Variants in IGF1R observed in about 807,000 individuals in gnomAD.
IGF1R encodes the protein insulin-like growth factor 1 receptor.
Under a neutral mutation model 144.6 loss-of-function variants are expected in IGF1R, and 44 were observed. The observed-to-expected ratio is 0.30, with a 90% CI of 0.24 to 0.39. The LOEUF is 0.39. Ranked by LOEUF, IGF1R falls within the 10% of genes least tolerant of loss-of-function variation. The pLI is 1.00. For missense variants in IGF1R, 1,355 were observed against 1,833.7 expected (o/e 0.74, Z 4.77); for synonymous variants, 795 against 722.8 (o/e 1.10, Z -1.60).
chr15:98,682,894 G>A (rs1211199826), intron 1 of IGF1R, among the ~76,000 whole-genome samples: 1 of 151,948 alleles, frequency 6.6e-6, no homozygotes, highest in East Asian at 1.9e-4. Flanking sequence ...GGTCTCAAAT[G>A]TGATCAGTGG....
rs1284292146 is a variant in IGF1R at position 98,960,537 on chromosome 15, A to G, written c.*3095A>G. 2 of 233,288 alleles carry G rather than the reference A, an allele frequency of 8.6e-6. No homozygotes were observed. The highest frequency in any genetic ancestry group is 1.7e-5 in the Non-Finnish European group (2 of 118,156). 14.5% of individuals were successfully genotyped at this position (233,288 alleles called of 1,614,324 possible). A position where few individuals can be genotyped will look rare whatever the true frequency, so the allele number is the denominator to read the frequency against. Reference sequence around the variant, plus strand: ...GAGAGGAAGGTGTCCAGGCAGCACCATCTCTGTGCGAATCCCCAGGGTAAA... The same window carrying G: ...GAGAGGAAGGTGTCCAGGCAGCACCGTCTCTGTGCGAATCCCCAGGGTAAA... On this transcript the variant is annotated 3_prime_UTR_variant, in exon 21 of 21. Coordinates refer to ENST00000650285, the MANE Select transcript of IGF1R (RefSeq NM_000875.5).
At chr15:98,819,697 G>A (rs914062829) in intron 2 of IGF1R, among the ~76,000 whole-genome samples, 2 of 152,104 alleles carry the variant, frequency 1.3e-5, no homozygotes, top group African/African-American at 4.8e-5. Context: ...GATACTTGCT[G>A]TATGAAGAAT....
At chr15:98,830,752 C>T (rs112073107) in intron 2 of IGF1R, among the ~76,000 whole-genome samples, 3,196 of 152,048 alleles carry the variant, frequency 0.021, 114 homozygotes, top group African/African-American at 0.073. Context: ...TACAGGTGTG[C>T]GCCACCACAC....
At chr15:98,749,999 CCTTT>C (rs1429620566) in intron 2 of IGF1R, among the ~76,000 whole-genome samples, 4 of 151,766 alleles carry the variant, frequency 2.6e-5, no homozygotes, top group East Asian at 3.9e-4. Flanking sequence ...GAAGGACCAT[CCTTT>C]CTTCTTCCTT....
At chr15:98,951,553 C>T (rs151066410) in intron 20 of IGF1R, among the ~76,000 whole-genome samples, 1 of 152,378 alleles carries the variant, frequency 6.6e-6, no homozygotes, top group Non-Finnish European at 1.5e-5. Context: ...AACGCAGGAG[C>T]GGCATAGCTG....
intron 1 of IGF1R, among the ~76,000 whole-genome samples, chr15:98,678,079 T>C (rs1304087341): frequency 6.6e-6 from 1 of 152,198 alleles, no homozygotes; most frequent in Non-Finnish European, 1.5e-5. Flanking sequence ...TCTTGGGTGA[T>C]TTATTAAGGA....
intron 2 of IGF1R, among the ~76,000 whole-genome samples, chr15:98,769,683 G>A (rs1340288477): frequency 6.6e-6 from 1 of 152,212 alleles, no homozygotes; most frequent in Admixed American, 6.5e-5. Flanking sequence ...GGTTTAATTA[G>A]ACCAGGATAT....
At position 98,703,720 on chromosome 15, in the gene IGF1R, C is replaced by A. The variant is rs539157213; in HGVS notation, c.95-3842C>A. On this transcript the variant is annotated intron_variant, in intron 1 of 20. Transcript: ENST00000650285. ...TCTGTTAACTAGTGGTCAACACTGA[C>A]TGTGGAAGGGGGGCCAGATGGCAAA... Among the ~76,000 whole-genome samples the A allele has an allele frequency of 2.3e-3, 357 of 152,330 alleles. 1 individual carries two copies. Among genetic ancestry groups the A allele is most frequent in the Non-Finnish European group, 4.2e-3 (283 of 68,022 alleles).
chr15:98,803,635 A>G (rs2056410165), intron 2 of IGF1R, among the ~76,000 whole-genome samples: 1 of 152,000 alleles, frequency 6.6e-6, no homozygotes, highest in Non-Finnish European at 1.5e-5. Flanking sequence ...CCTCCTGAGT[A>G]GCCGGGACTA....
chr15:98,922,075 A>T, intron 10 of IGF1R, 73 bp from the exon 11 acceptor site: 1 of 1,527,734 alleles, frequency 6.5e-7, no homozygotes, highest in South Asian at 1.1e-5. Flanking sequence ...TTCTTCTGTT[A>T]CTCTTACTCA....
At chr15:98,810,064 C>CA (rs777787172) in intron 2 of IGF1R, among the ~76,000 whole-genome samples, 65 of 150,078 alleles carry the variant, frequency 4.3e-4, no homozygotes, top group Non-Finnish European at 7.2e-4. Flanking sequence ...TTGGTGGTTA[C>CA]AGTGAAGGCT....
chr15:98,888,031 C>G (rs2013724975), intron 2 of IGF1R, among the ~76,000 whole-genome samples: 1 of 152,242 alleles, frequency 6.6e-6, no homozygotes, highest in African/African-American at 2.4e-5. Flanking sequence ...CCACAGTGAC[C>G]TCGTTGCTTT....
chr15:98,942,394 T>C (rs1253655092), intron 18 of IGF1R, among the ~76,000 whole-genome samples: 1 of 152,180 alleles, frequency 6.6e-6, no homozygotes, highest in Non-Finnish European at 1.5e-5. Context: ...AGTGCAGTGT[T>C]GTGATCATGG....
At chr15:98,914,335 G>A (rs2015150064) in intron 8 of IGF1R, among the ~76,000 whole-genome samples, 1 of 152,240 alleles carries the variant, frequency 6.6e-6, no homozygotes, top group Non-Finnish European at 1.5e-5. Context: ...CATTATTTTA[G>A]TGGGTAAGGT....
At chr15:98,747,243 C>T (rs966411363) in intron 2 of IGF1R, among the ~76,000 whole-genome samples, 1 of 152,100 alleles carries the variant, frequency 6.6e-6, no homozygotes, top group African/African-American at 2.4e-5. Context: ...GTCACCCAGG[C>T]TGGAGTGCAA....
chr15:98,913,677 A>G (rs1024529708), intron 8 of IGF1R, among the ~76,000 whole-genome samples: 4 of 152,214 alleles, frequency 2.6e-5, no homozygotes, highest in African/African-American at 9.6e-5. Context: ...CTGGTTTTCC[A>G]TCTTCATTCT....
At chr15:98,680,127 A>T (rs1418439893) in intron 1 of IGF1R, among the ~76,000 whole-genome samples, 1 of 152,172 alleles carries the variant, frequency 6.6e-6, no homozygotes, top group Admixed American at 6.5e-5. Flanking sequence ...AGGCCTAGGT[A>T]TACAGTATTT....
At chr15:98,726,284 A>G (rs549699079) in intron 2 of IGF1R, among the ~76,000 whole-genome samples, 4 of 151,880 alleles carry the variant, frequency 2.6e-5, no homozygotes, top group African/African-American at 7.2e-5. Flanking sequence ...CCTGCCCATT[A>G]CTCTCCCATC....
At chr15:98,910,509 T>A (rs528391058) in intron 6 of IGF1R, among the ~76,000 whole-genome samples, 1 of 152,342 alleles carries the variant, frequency 6.6e-6, no homozygotes, top group African/African-American at 2.4e-5. Flanking sequence ...GTAGTGGGAT[T>A]CAGGCAGATA....
Sources: allele counts gnomAD v4.1 joint callset (sites outside exome capture counted in the v4.1 genomes callset), GRCh38; gene constraint gnomAD v4.1.1; transcripts MANE v1.5; gene names NCBI Gene and HGNC (gene_info 2026-07-23, HGNC 2026-07-21).